The following C10orf88 variants were observed in gnomAD, a reference collection of about 807,000 sequenced individuals.
The protein encoded by C10orf88 is chromosome 10 open reading frame 88.
Under a neutral mutation model 34.2 loss-of-function variants are expected in C10orf88, and 29 were observed. The ratio of observed to expected loss-of-function variants is 0.85; its 90% confidence interval spans 0.63 to 1.16. The LOEUF (loss-of-function observed/expected upper bound fraction) is 1.16. C10orf88 is among the 50% of genes most tolerant of loss of function. C10orf88 has a pLI of 0.00. For missense variants in C10orf88, 507 were observed against 533.2 expected (o/e 0.95, Z 0.48); for synonymous variants, 194 against 197.4 (o/e 0.98, Z 0.15).
chr10:122,936,553 A>C (rs1207788307), intron 5 of C10orf88, among the ~76,000 whole-genome samples: 1 of 151,812 alleles, frequency 6.6e-6, no homozygotes, highest in Non-Finnish European at 1.5e-5. Flanking sequence ...TATTCAGATT[A>C]TTTTATTTTG....
Position 122,954,104 on chromosome 10 carries a change from C to T in C10orf88, c.75G>A (p.Gly25=). Residue 25 remains glycine (G), a synonymous_variant, in exon 1 of 6, where the codon GGG becomes GGA. Coordinates refer to ENST00000481909, the MANE Select transcript of C10orf88 (RefSeq NM_024942.4). ...TGAGGAGGAGGCTGTGGGTCAGGGC[C>T]CCGCCTGCAACATCCCAAGAAGAGG... is the stretch of plus-strand genomic sequence containing the variant. ...TLASSWDVAG[G]ALTHSLLLTR... is the part of the protein sequence containing the mutation. 6.3e-7 allele frequency: 1 copy of T among 1,584,598 alleles called. No individual in the cohort carries two copies. The highest frequency in any genetic ancestry group is 8.6e-7 in the Non-Finnish European group (1 of 1,169,166).
chr10:122,934,790 A>G (rs1370586273), intron 5 of C10orf88, among the ~76,000 whole-genome samples: 1 of 152,132 alleles, frequency 6.6e-6, no homozygotes, highest in African/African-American at 2.4e-5. Context: ...TGTATGAGAG[A>G]TCCAGTTCCC....
chr10:122,936,164 C>T (rs568952362), intron 5 of C10orf88, among the ~76,000 whole-genome samples: 2 of 151,942 alleles, frequency 1.3e-5, no homozygotes, highest in South Asian at 4.1e-4. Context: ...TTACTTATTT[C>T]ATGTTGGCTG....
At chr10:122,950,824 A>G (rs921098860) in intron 3 of C10orf88, among the ~76,000 whole-genome samples, 2 of 152,234 alleles carry the variant, frequency 1.3e-5, no homozygotes, top group African/African-American at 4.8e-5. Flanking sequence ...ATGGTTTTAG[A>G]AGCTATTTAA....
chr10:122,937,770 A>T lies in C10orf88; in HGVS notation c.1038T>A (p.His346Gln). 6.2e-7 allele frequency: 1 copy of T among 1,613,034 alleles called. No individual in the cohort carries two copies. The highest frequency in any genetic ancestry group is 8.5e-7 in the Non-Finnish European group (1 of 1,179,286). The part of the protein sequence containing the change: ...QNLCSQVNHL[H>Q]VGNKTECQEN... The stretch of plus-strand genomic sequence containing the variant: ...CCTGACACTCGGTCTTATTTCCCAC[A>T]TGGAGATGATTAACTTGACTACATA... Residue 346 changes from histidine (H) to glutamine (Q), a missense_variant, in exon 5 of 6, where the codon CAT becomes CAA. His to Gln is a conservative substitution (Grantham distance 24). Coordinates refer to ENST00000481909, the MANE Select transcript of C10orf88 (RefSeq NM_024942.4).
At chr10:122,949,548 A>G (rs1374150066) in intron 3 of C10orf88, among the ~76,000 whole-genome samples, 1 of 152,228 alleles carries the variant, frequency 6.6e-6, no homozygotes, top group African/African-American at 2.4e-5. Context: ...TACTAGACAA[A>G]AGGATGATTC....
Position 122,952,947 on chromosome 10 carries a change from C to T in C10orf88, c.250G>A (p.Gly84Ser), listed in dbSNP as rs201715441. Residue 84 changes from glycine to serine, a missense_variant, in exon 2 of 6, where the codon GGT (glycine) becomes AGT (serine). Gly to Ser is a moderately conservative substitution (Grantham distance 56, BLOSUM62 0). Transcript: ENST00000481909. The part of the protein sequence containing the change: ...FLYLRCGPDG[G>S]EEIASIGILS... ...ATGCCAATAGAAGCGATTTCTTCAC[C>T]TCCATCAGGGCCACACCTCAGGTAA... 4.3e-4 allele frequency: 694 copies of T among 1,614,168 alleles called. 6 individuals are homozygous for T. In the East Asian group the frequency reaches 0.012, roughly 28 times the overall value.
Position 122,932,607 on chromosome 10 carries a change from C to T in C10orf88, c.1158G>A (p.Met386Ile). The T allele has an allele frequency of 6.2e-7, 1 of 1,613,558 alleles. No individual in the cohort carries two copies. Among genetic ancestry groups the T allele is most frequent in the Non-Finnish European group, 8.5e-7 (1 of 1,179,794 alleles). ...SYLEKILSKNMELMEKKLMDY... is the reference protein window; with the variant it reads ...SYLEKILSKNIELMEKKLMDY... Reference sequence around the variant, plus strand: ...CCATAAGTTTCTTTTCCATCAGTTCCATATTTTTAGAAAGAATCTTTTCCA... The same window carrying T: ...CCATAAGTTTCTTTTCCATCAGTTCTATATTTTTAGAAAGAATCTTTTCCA... Residue 386 changes from methionine to isoleucine, a missense_variant, in exon 6 of 6, where the codon ATG becomes ATA. Transcript: ENST00000481909.
At chr10:122,947,938 G>A (rs908510432) in intron 4 of C10orf88, among the ~76,000 whole-genome samples, 5 of 152,176 alleles carry the variant, frequency 3.3e-5, no homozygotes, top group Middle Eastern at 3.4e-3. Flanking sequence ...ACTCTCATCT[G>A]GACGAGGGGA....
At chr10:122,935,462 CAG>C (rs977757084) in intron 5 of C10orf88, among the ~76,000 whole-genome samples, 9 of 152,092 alleles carry the variant, frequency 5.9e-5, no homozygotes, top group African/African-American at 1.9e-4. Flanking sequence ...TGTACTTGTG[CAG>C]AGTTATTTCT....
intron 3 of C10orf88, among the ~76,000 whole-genome samples, chr10:122,949,662 T>G (rs1397112037): frequency 6.6e-6 from 1 of 152,170 alleles, no homozygotes; most frequent in Non-Finnish European, 1.5e-5. Context: ...AAATTTTCCA[T>G]TTAATATTTT....
chr10:122,950,502 C>T (rs1321499623), intron 3 of C10orf88, among the ~76,000 whole-genome samples: 1 of 152,208 alleles, frequency 6.6e-6, no homozygotes, highest in Non-Finnish European at 1.5e-5. Context: ...GATCCAAGAA[C>T]TCTTAAGTGT....
At chr10:122,946,610 C>T (rs970953986) in intron 4 of C10orf88, among the ~76,000 whole-genome samples, 1 of 152,056 alleles carries the variant, frequency 6.6e-6, no homozygotes, top group Non-Finnish European at 1.5e-5. Flanking sequence ...GTCTTGTTTA[C>T]ATGAAGCTTG....
intron 4 of C10orf88, among the ~76,000 whole-genome samples, chr10:122,945,234 CAT>C (rs1263460583): frequency 1.3e-5 from 2 of 152,050 alleles, no homozygotes; most frequent in African/African-American, 2.4e-5. Flanking sequence ...ACATTACTCA[CAT>C]GTTTGTGGCA....
chr10:122,951,853 A>G, intron 3 of C10orf88, 101 bp downstream of exon 3: 1 of 744,252 alleles, frequency 1.3e-6, no homozygotes, highest in Non-Finnish European at 2.3e-6. Context: ...AAAGCAAGCA[A>G]GCAAGTTGGA....
Position 122,948,693 on chromosome 10 carries a change from GAGATA to G in C10orf88, c.599_603del (p.Leu200SerfsTer11). The G allele has an allele frequency of 6.2e-7, 1 of 1,613,928 alleles. No homozygotes were observed. The highest frequency in any genetic ancestry group is 8.5e-7 in the Non-Finnish European group (1 of 1,179,888). On this transcript the variant is annotated frameshift_variant, in exon 4 of 6. Coordinates refer to ENST00000481909, the MANE Select transcript of C10orf88 (RefSeq NM_024942.4). LOFTEE classifies it high-confidence loss of function. Reference sequence around the variant, plus strand: ...ATATCCATCAACTGCTGAGCTCCAGGAGATAACTTTGACCCCATGGACTCCATTAT... The same window carrying G: ...ATATCCATCAACTGCTGAGCTCCAGGACTTTGACCCCATGGACTCCATTAT...
intron 1 of C10orf88, 71 bp downstream of exon 1, chr10:122,953,944 C>T: frequency 7.1e-7 from 1 of 1,411,594 alleles, no homozygotes; most frequent in Non-Finnish European, 9.2e-7. Flanking sequence ...CCTCTCGCCT[C>T]CCCTCACAGC....
chr10:122,936,781 G>A (rs1482116809), intron 5 of C10orf88, among the ~76,000 whole-genome samples: 1 of 151,794 alleles, frequency 6.6e-6, no homozygotes, highest in African/African-American at 2.4e-5. Context: ...CAAAAATCTG[G>A]AAATTTTGTT....
chr10:122,950,905 T>A (rs1848683867), intron 3 of C10orf88, among the ~76,000 whole-genome samples: 1 of 152,218 alleles, frequency 6.6e-6, no homozygotes, highest in Non-Finnish European at 1.5e-5. Context: ...TAAAAATCAC[T>A]TATTTTTTCT....
Sources: allele counts gnomAD v4.1 joint callset (sites outside exome capture counted in the v4.1 genomes callset), GRCh38; gene constraint gnomAD v4.1.1; transcripts MANE v1.5; gene names NCBI Gene and HGNC (gene_info 2026-07-23, HGNC 2026-07-21).